ASIC2: variants seen among roughly 807,000 people sequenced by gnomAD.
ASIC2 encodes the protein acid sensing ion channel subunit 2.
ASIC2 carries 25 observed loss-of-function variants against 57.3 expected under a neutral mutation model. The ratio of observed to expected loss-of-function variants is 0.44; its 90% CI spans 0.32 to 0.61. ASIC2 has a LOEUF of 0.61. ASIC2 is among the 20% of genes least tolerant of loss of function. The probability of loss-of-function intolerance (pLI) is 0.06; values close to 1 mark genes in which losing one functional copy is unlikely to be tolerated. For synonymous variants in ASIC2, 319 were observed against 307.5 expected (o/e 1.04, Z -0.39); for missense variants, 641 against 738.1 (o/e 0.87, Z 1.52).
Position 34,053,381 on chromosome 17 carries a change from G to A in ASIC2, c.555+102597C>T, listed in dbSNP as rs547639695. Among the ~76,000 whole-genome samples the A allele has an allele frequency of 6.6e-5, 10 of 152,252 alleles. 1 individual carries two copies. Among genetic ancestry groups the A allele is most frequent in the Middle Eastern group, 3.4e-3 (1 of 294 alleles). On this transcript the variant is annotated intron_variant, in intron 1 of 9. Coordinates refer to the ASIC2 transcript ENST00000359872. ...GGCCTCTGTGCAAAGCTGGGTGGGT[G>A]GTGGCTGTTTATTGTTGTCTTTGTA...
chr17:33,326,129 G>T (rs1000315329), intron 1 of ASIC2, among the ~76,000 whole-genome samples: 3 of 152,188 alleles, frequency 2.0e-5, no homozygotes, highest in Non-Finnish European at 4.4e-5. Context: ...TTCAGAGATT[G>T]TATCTGTTGT....
At chr17:33,042,874 A>C (rs1230235845) in intron 3 of ASIC2, among the ~76,000 whole-genome samples, 1 of 152,116 alleles carries the variant, frequency 6.6e-6, no homozygotes, top group Non-Finnish European at 1.5e-5. Flanking sequence ...CATTGCATAG[A>C]TGCATCAAAC....
intron 1 of ASIC2, among the ~76,000 whole-genome samples, chr17:33,962,054 G>A (rs1391666742): frequency 6.6e-6 from 1 of 152,044 alleles, no homozygotes; most frequent in Non-Finnish European, 1.5e-5. Flanking sequence ...CTAACACTCC[G>A]CACACTTGCC....
At chr17:33,068,708 C>T (rs1295132870) in intron 3 of ASIC2, among the ~76,000 whole-genome samples, 1 of 152,208 alleles carries the variant, frequency 6.6e-6, no homozygotes, top group East Asian at 1.9e-4. Flanking sequence ...TTGCCTCTCT[C>T]ACTTTTAATG....
At chr17:33,345,986 T>C (rs1177930165) in intron 1 of ASIC2, among the ~76,000 whole-genome samples, 1 of 151,836 alleles carries the variant, frequency 6.6e-6, no homozygotes, top group Non-Finnish European at 1.5e-5. Flanking sequence ...CAGCACTGTG[T>C]GAGGCCAAGG....
intron 1 of ASIC2, chr17:33,792,319 A>G (rs1441840990): frequency 6.6e-6 from 1 of 152,220 alleles, no homozygotes; most frequent in African/African-American, 2.4e-5. Flanking sequence ...CTGGACAATG[A>G]CCAGGCAAGG....
chr17:33,509,363 C>T (rs1306686220), intron 1 of ASIC2, among the ~76,000 whole-genome samples: 1 of 152,178 alleles, frequency 6.6e-6, no homozygotes, highest in Non-Finnish European at 1.5e-5. Flanking sequence ...GGGCAGGCTT[C>T]ATAATGTCCA....
At position 33,202,079 on chromosome 17, in the gene ASIC2, C is replaced by T. The variant is rs555897058; in HGVS notation, c.708+89329G>A. 5.3e-5 allele frequency among the ~76,000 whole-genome samples: 8 copies of T among 151,188 alleles called. No individual in the cohort carries two copies. The South Asian group carries it at 1.7e-3, about 32-fold the overall frequency. The stretch of plus-strand genomic sequence containing the variant: ...AGAAAAAAAAAGGTGCCGTCTAACA[C>T]TACTGGCTTGCCCTTGATTCCTTGA... On this transcript the variant is annotated intron_variant, in intron 1 of 9. Coordinates refer to ENST00000225823, the MANE Select transcript of ASIC2 (RefSeq NM_183377.2).
At chr17:34,112,495 A>T (rs1476321157) in intron 1 of ASIC2, among the ~76,000 whole-genome samples, 1 of 151,986 alleles carries the variant, frequency 6.6e-6, no homozygotes, top group African/African-American at 2.4e-5. Context: ...GCCCACACAC[A>T]TAAGCATGTG....
chr17:33,517,993 C>T (rs1353856731), intron 1 of ASIC2, among the ~76,000 whole-genome samples: 1 of 152,162 alleles, frequency 6.6e-6, no homozygotes, highest in South Asian at 2.1e-4. Flanking sequence ...TGGGAGCTGG[C>T]CTGGAAGTCC....
chr17:33,362,770 C>T (rs1347807931), intron 1 of ASIC2, among the ~76,000 whole-genome samples: 13 of 152,194 alleles, frequency 8.5e-5, no homozygotes, highest in Non-Finnish European at 8.8e-5. Context: ...ATGAAAGAGA[C>T]GCTCTTCAAA....
At chr17:33,803,586 CTTTT>C (rs961357779) in intron 1 of ASIC2, among the ~76,000 whole-genome samples, 4 of 96,868 alleles carry the variant, frequency 4.1e-5, no homozygotes, top group South Asian at 3.5e-4. Context: ...TTTCCCTTTT[CTTTT>C]TTTTTTTTTT....
At position 33,610,054 on chromosome 17, in the gene ASIC2, GCACACA is replaced by G. The variant is rs57533251; in HGVS notation, c.556-497993_556-497988del. On this transcript the variant is annotated intron_variant, in intron 1 of 9. Transcript: ENST00000359872. Reference sequence around the variant, plus strand: ...CTTCACTGGGACCCTGGACAGAGGCGCACACACACACACACACACACACACACACAC... The same window carrying G: ...CTTCACTGGGACCCTGGACAGAGGCGCACACACACACACACACACACACAC... Among the ~76,000 whole-genome samples, 39 of 144,848 alleles carry G rather than the reference GCACACA, an allele frequency of 2.7e-4. 1 individual carries two copies. The Middle Eastern group carries it at 0.011, about 40-fold the overall frequency.
At chr17:33,493,052 C>A (rs1473981474) in intron 1 of ASIC2, among the ~76,000 whole-genome samples, 3 of 152,206 alleles carry the variant, frequency 2.0e-5, no homozygotes, top group Non-Finnish European at 4.4e-5. Context: ...ACAAAACAGG[C>A]TGCTAATTTA....
In ASIC2 at chr17:33,912,709, GTGTCTCACGCC is replaced by G; in HGVS notation, c.555+243258_555+243268del. 5.2e-5 allele frequency among the ~76,000 whole-genome samples: 3 copies of G among 57,742 alleles called. 1 individual carries two copies. The highest frequency in any genetic ancestry group is 6.6e-5 in the African/African-American group (1 of 15,220). 37.9% of individuals were successfully genotyped at this position (57,742 alleles called of 152,430 possible). A position where few individuals can be genotyped will look rare whatever the true frequency, so the allele number is the denominator to read the frequency against. On this transcript the variant is annotated intron_variant, in intron 1 of 9. Transcript: ENST00000359872. ...AAATTATAGACTAGGGCCGGGTGAG[GTGTCTCACGCC>G]TGTAATCCCAGCACTTTGGGAGGCG...
At chr17:33,062,793 G>A (rs185457240) in intron 3 of ASIC2, among the ~76,000 whole-genome samples, 605 of 152,290 alleles carry the variant, frequency 4.0e-3, no homozygotes, top group African/African-American at 0.014. Context: ...TTGTATGGGA[G>A]TCTAAGTCTC....
At position 33,023,917 on chromosome 17, in the gene ASIC2, G is replaced by C. The variant is rs2141899288; in HGVS notation, c.1293C>G (p.Ser431Arg). Residue 431 changes from serine (S) to arginine (R), a missense_variant, in exon 6 of 10, where the codon AGC becomes AGG. By Grantham distance (110) the Ser-to-Arg change is moderately radical (BLOSUM62 -1). Around this residue, in one of 3 missense-constraint regions of ASIC2, gnomAD observed 252 missense variants for 319.8 expected, o/e 0.79. Coordinates refer to ENST00000225823, the MANE Select transcript of ASIC2 (RefSeq NM_183377.2). ...NKELSMVKIPSKTSAKYLEKK... is the reference protein window; with the variant it reads ...NKELSMVKIPRKTSAKYLEKK... ...TCTCAAGGTACTTGGCTGATGTCTTGCTGGGGATCTTCACCATGGAGAGCT... is the reference window on the plus strand; with the variant it reads ...TCTCAAGGTACTTGGCTGATGTCTTCCTGGGGATCTTCACCATGGAGAGCT... The C allele has an allele frequency of 1.9e-6, 3 of 1,614,144 alleles. No homozygotes were observed. The highest frequency in any genetic ancestry group is 2.5e-6 in the Non-Finnish European group (3 of 1,180,024).
At chr17:33,517,547 G>T (rs961418656) in intron 1 of ASIC2, among the ~76,000 whole-genome samples, 1 of 152,152 alleles carries the variant, frequency 6.6e-6, no homozygotes, top group African/African-American at 2.4e-5. Flanking sequence ...CAAGATGCCA[G>T]CTGGGGGCTG....
At chr17:33,641,497 G>A (rs9890385) in intron 1 of ASIC2, among the ~76,000 whole-genome samples, 65 of 152,290 alleles carry the variant, frequency 4.3e-4, no homozygotes, top group African/African-American at 1.5e-3. Context: ...ATCCAGGGAA[G>A]CTCAAGGACT....
Sources: allele counts gnomAD v4.1 joint callset (sites outside exome capture counted in the v4.1 genomes callset), GRCh38; gene constraint gnomAD v4.1.1; regional missense constraint gnomAD v4.1.1; transcripts MANE v1.5; gene names NCBI Gene and HGNC (gene_info 2026-07-23, HGNC 2026-07-21).